Variants in MAPK8 observed in about 807,000 individuals in gnomAD.
MAPK8 encodes the protein mitogen-activated protein kinase 8, also known as JUN N-terminal kinase.
A neutral mutation model predicts 52.9 loss-of-function variants in MAPK8; 13 were observed. The ratio of observed to expected loss-of-function variants is 0.25; its 90% confidence interval spans 0.16 to 0.39. The LOEUF is 0.39. Among genes scored for constraint, MAPK8 ranks in the 10% least tolerant of loss-of-function variants. The probability of loss-of-function intolerance (pLI) is 1.00; values close to 1 mark genes in which losing one functional copy is unlikely to be tolerated. For missense variants in MAPK8, 300 were observed against 519.2 expected (o/e 0.58, Z 4.10); for synonymous variants, 191 against 169.8 (o/e 1.12, Z -0.97).
At chr10:48,361,031 A>G (rs1847472122) in intron 1 of MAPK8, among the ~76,000 whole-genome samples, 1 of 152,168 alleles carries the variant, frequency 6.6e-6, no homozygotes, top group Non-Finnish European at 1.5e-5. Flanking sequence ...TGTAATCATG[A>G]TGAAGTGGTT....
rs1402309636 is a variant in MAPK8, at chr10:48,424,161, T to C, written c.688+2T>C. On this transcript the variant is annotated splice_donor_variant, in intron 7 of 11. Coordinates refer to ENST00000374189, the MANE Select transcript of MAPK8 (RefSeq NM_001323329.2). LOFTEE classifies it high-confidence loss of function. ...AAATCCTCTTTCCAGGAAGGGACTG[T>C]ATCCTTGTGCTGCTGCAGCAGTTAA... is the stretch of plus-strand genomic sequence containing the variant. The C allele has an allele frequency of 6.2e-7, 1 of 1,612,290 alleles. No individual in the cohort carries two copies. Among genetic ancestry groups the C allele is most frequent in the African/African-American group, 1.3e-5 (1 of 74,880 alleles).
At position 48,435,379 on chromosome 10, in the gene MAPK8, T is replaced by C. The variant is rs187779968; in HGVS notation, c.*350T>C. ...ATTTTGTTTATCAAAGCAACTATTA[T>C]GTGGTGACTTGCCTATATCATGAAT... is the stretch of plus-strand genomic sequence containing the variant. On this transcript the variant is annotated 3_prime_UTR_variant, in exon 12 of 12. Coordinates refer to ENST00000374189, the MANE Select transcript of MAPK8 (RefSeq NM_001323329.2). 7.9e-4 allele frequency: 147 copies of C among 186,950 alleles called. No individual in the cohort carries two copies. The highest frequency in any genetic ancestry group is 1.4e-3 in the Non-Finnish European group (126 of 91,518). The allele number at this position is 186,950 out of a possible 1,614,324, so 11.6% of individuals were successfully genotyped here. A position where few individuals can be genotyped will look rare whatever the true frequency, so the allele number is the denominator to read the frequency against.
rs148341651 is a variant in MAPK8 at position 48,365,558 on chromosome 10, A to G, written c.-49-36054A>G. Among the ~76,000 whole-genome samples the G allele has an allele frequency of 2.5e-3, 383 of 152,284 alleles. 1 individual carries two copies. Among genetic ancestry groups the G allele is most frequent in the African/African-American group, 8.4e-3 (351 of 41,570 alleles). On this transcript the variant is annotated intron_variant, in intron 1 of 11. Coordinates refer to ENST00000374189, the MANE Select transcript of MAPK8 (RefSeq NM_001323329.2). ...TCAGTACTATTACCGCATTTACACAATGTTGCCTTGTGTGGAAATTCTAAA... is the reference window on the plus strand; with the variant it reads ...TCAGTACTATTACCGCATTTACACAGTGTTGCCTTGTGTGGAAATTCTAAA...
chr10:48,393,423 CAATT>C (rs2041729924), intron 1 of MAPK8, among the ~76,000 whole-genome samples: 1 of 152,078 alleles, frequency 6.6e-6, no homozygotes, highest in Non-Finnish European at 1.5e-5. Flanking sequence ...TAACCATAGT[CAATT>C]AATCATTCTA....
chr10:48,317,920 C>G (rs1014930689), intron 1 of MAPK8, among the ~76,000 whole-genome samples: 12 of 152,068 alleles, frequency 7.9e-5, no homozygotes, highest in African/African-American at 2.7e-4. Context: ...AAAGTGATAT[C>G]AGTCAGCCTG....
At chr10:48,366,632 A>G (rs1220034980) in intron 1 of MAPK8, among the ~76,000 whole-genome samples, 1 of 152,122 alleles carries the variant, frequency 6.6e-6, no homozygotes. Context: ...AGTTTTGCAA[A>G]TATTTATCCT....
intron 2 of MAPK8, among the ~76,000 whole-genome samples, chr10:48,403,915 ATTTG>A (rs1288846318): frequency 1.7e-5 from 1 of 58,654 alleles, no homozygotes; most frequent in Admixed American, 1.4e-4. Context: ...CGCCCGGCTA[ATTTG>A]TGTGTGTGTG....
chr10:48,398,650 A>G (rs2042009017), intron 1 of MAPK8, among the ~76,000 whole-genome samples: 1 of 152,246 alleles, frequency 6.6e-6, no homozygotes, highest in Admixed American at 6.5e-5. Flanking sequence ...CTAAAACTGT[A>G]AACAGTTGAA....
At chr10:48,345,316 CT>C (rs1337462900) in intron 1 of MAPK8, among the ~76,000 whole-genome samples, 3 of 152,094 alleles carry the variant, frequency 2.0e-5, no homozygotes, top group Non-Finnish European at 4.4e-5. Context: ...TATTGGGTAC[CT>C]TCTCAATTTG....
chr10:48,333,911 C>T (rs572674164), intron 1 of MAPK8, among the ~76,000 whole-genome samples: 1 of 151,044 alleles, frequency 6.6e-6, no homozygotes, highest in South Asian at 2.1e-4. Context: ...TCTGGTTGTG[C>T]AGGCTCCAAA....
At chr10:48,321,095 T>G (rs529454756) in intron 1 of MAPK8, among the ~76,000 whole-genome samples, 1 of 148,898 alleles carries the variant, frequency 6.7e-6, no homozygotes, top group South Asian at 2.1e-4. Flanking sequence ...AAGAGTTTTT[T>G]TTTTTTTTTT....
At chr10:48,328,826 A>G (rs1220772341) in intron 1 of MAPK8, among the ~76,000 whole-genome samples, 1 of 152,244 alleles carries the variant, frequency 6.6e-6, no homozygotes, top group African/African-American at 2.4e-5. Context: ...AAAGTAATTT[A>G]TACTTTGCCA....
At position 48,436,259 on chromosome 10, in the gene MAPK8, C is replaced by G. The variant is rs917534557; in HGVS notation, c.*1230C>G. ...TAAATGGTGGTTATTTAGTCTAAGT[C>G]TTTTATTTTTTTATACCTGATTTTC... On this transcript the variant is annotated 3_prime_UTR_variant, in exon 12 of 12. Transcript: ENST00000374189. The G allele has an allele frequency of 6.6e-6, 1 of 152,130 alleles. No individual in the cohort carries two copies. The highest frequency in any genetic ancestry group is 2.4e-5 in the African/African-American group (1 of 41,434). The allele number at this position is 152,130 out of a possible 1,614,324, so 9.4% of individuals were successfully genotyped here. A position where few individuals can be genotyped will look rare whatever the true frequency, so the allele number is the denominator to read the frequency against.
intron 3 of MAPK8, 125 bp downstream of exon 3, chr10:48,405,106 GATATATAT>G: frequency 4.3e-6 from 1 of 234,072 alleles, no homozygotes; most frequent in Non-Finnish European, 8.1e-6. Flanking sequence ...GTTTAAAAGG[GATATATAT>G]ATATATATAT....
chr10:48,417,619 T>C (rs2043134303), intron 5 of MAPK8, among the ~76,000 whole-genome samples: 3 of 152,188 alleles, frequency 2.0e-5, no homozygotes, highest in Admixed American at 6.5e-5. Context: ...CCTTTTCTCA[T>C]GGTGAAAGGT....
Position 48,383,691 on chromosome 10 carries a change from G to GAA in MAPK8, c.-49-17912_-49-17911dup, listed in dbSNP as rs926707892. Reference sequence around the variant, plus strand: ...AGTGCCATTCATTAGTCCTGGTTTTGAAAAAAAAAAGTTGTTAGATCTGTA... The same window carrying GAA: ...AGTGCCATTCATTAGTCCTGGTTTTGAAAAAAAAAAAAGTTGTTAGATCTGTA... On this transcript the variant is annotated intron_variant, in intron 1 of 11. Transcript: ENST00000374189. Among the ~76,000 whole-genome samples, 10 of 148,490 alleles carry GAA rather than the reference G, an allele frequency of 6.7e-5. 1 individual carries two copies. The highest frequency in any genetic ancestry group is 1.5e-4 in the Non-Finnish European group (10 of 66,988).
intron 1 of MAPK8, among the ~76,000 whole-genome samples, chr10:48,355,457 C>G (rs529342046): frequency 7.1e-6 from 1 of 141,502 alleles, no homozygotes; most frequent in Non-Finnish European, 1.5e-5. Flanking sequence ...TGCAGTGAGC[C>G]GAGATTGCGC....
chr10:48,373,617 G>T lies in MAPK8; in HGVS notation c.-49-27995G>T, dbSNP rs2040466279. Among the ~76,000 whole-genome samples the T allele has an allele frequency of 2.7e-5, 3 of 111,508 alleles. No homozygotes were observed. The Admixed American group carries it at 3.3e-4, about 12-fold the overall frequency. The allele number at this position is 111,508 out of a possible 152,430, so 73.2% of individuals were successfully genotyped here. On this transcript the variant is annotated intron_variant, in intron 1 of 11. Coordinates refer to ENST00000374189, the MANE Select transcript of MAPK8 (RefSeq NM_001323329.2). ...AAAAAAAGCCAGGGTTGCAATCCTA[G>T]TCTCTGATAAAAGAGACTTTAGATC...
At chr10:48,324,503 G>GTTTTTTTTTTTTTTGTTTTTTTTTTTT (rs1843294130) in intron 1 of MAPK8, among the ~76,000 whole-genome samples, 10 of 118,004 alleles carry the variant, frequency 8.5e-5, no homozygotes, top group Non-Finnish European at 1.3e-4. Context: ...CTGTTTTCTA[G>GTTTTTTTTTTTTTTGTTTTTTTTTTTT]TTTTTTTTTT....
Sources: gnomAD v4.1 joint callset for allele counts (sites outside exome capture counted in the v4.1 genomes callset) on GRCh38, gnomAD v4.1.1 for gene constraint, MANE v1.5 for transcripts, NCBI Gene and HGNC (gene_info 2026-07-23, HGNC 2026-07-21) for gene names.